Variants in GAK observed in about 807,000 individuals in gnomAD.
GAK encodes the protein cyclin G associated kinase.
A neutral mutation model predicts 143.9 loss-of-function variants in GAK; 79 were observed. That is an observed-to-expected ratio of 0.55 (90% CI 0.46 to 0.66). The LOEUF is 0.66. Among genes scored for constraint, GAK ranks in the 30% least tolerant of loss-of-function variants. The pLI, the probability that GAK is intolerant of heterozygous loss-of-function variation, is 0.00. For missense variants in GAK, 1,693 were observed against 1,779.7 expected, an observed-to-expected ratio of 0.95 and a Z score of 0.88; for synonymous variants, 881 against 765.5, an observed-to-expected ratio of 1.15 and a Z score of -2.49.
At chr4:911,851 T>C in intron 3 of GAK, 64 bp from the exon 4 acceptor site, 1 of 1,236,158 alleles carries the variant, frequency 8.1e-7, no homozygotes, top group East Asian at 2.3e-5. Context: ...CACTTCAAAA[T>C]AAATGTAGAC....
intron 4 of GAK, among the ~76,000 whole-genome samples, chr4:909,377 G>C (rs1349123509): frequency 6.6e-6 from 1 of 152,252 alleles, no homozygotes; most frequent in Non-Finnish European, 1.5e-5. Flanking sequence ...AACAACAAGA[G>C]ATTGACTGAC....
intron 24 of GAK, among the ~76,000 whole-genome samples, chr4:857,820 C>A (rs1028528710): frequency 2.0e-5 from 3 of 152,032 alleles, no homozygotes; most frequent in Non-Finnish European, 4.4e-5. Flanking sequence ...TTTTTTCCCC[C>A]CAAATGTCTT....
At chr4:888,157 T>A (rs1314109037) in intron 11 of GAK, 1 of 152,266 alleles carries the variant, frequency 6.6e-6, no homozygotes, top group Non-Finnish European at 1.5e-5. Flanking sequence ...AGTTCCTGCA[T>A]CACGGGCACC....
At chr4:916,688 C>T (rs1180803974) in intron 1 of GAK, among the ~76,000 whole-genome samples, 1 of 152,142 alleles carries the variant, frequency 6.6e-6, no homozygotes, top group African/African-American at 2.4e-5. Flanking sequence ...TAAAAACCGC[C>T]CAGACCAAGT....
intron 1 of GAK, 54 bp downstream of exon 1, chr4:931,989 G>A (rs1725938677): frequency 2.3e-6 from 3 of 1,290,266 alleles, no homozygotes; most frequent in African/African-American, 3.0e-5. Context: ...TGCCCCCAGC[G>A]TCCCGGAGAC....
intron 23 of GAK, among the ~76,000 whole-genome samples, chr4:860,191 C>T (rs572230343): frequency 6.6e-6 from 1 of 150,386 alleles, no homozygotes; most frequent in East Asian, 2.0e-4. Context: ...CCCAGGGGGG[C>T]TGCGGTGGGA....
chr4:914,371 C>A (rs1228273106), intron 1 of GAK, among the ~76,000 whole-genome samples: 1 of 102,074 alleles, frequency 9.8e-6, no homozygotes, highest in African/African-American at 3.9e-5. Flanking sequence ...GCACGGCCCC[C>A]ACACACACAG....
chr4:876,700 G>A (rs1713965231), intron 17 of GAK, 91 bp from the exon 18 acceptor site: 1 of 1,130,682 alleles, frequency 8.8e-7, no homozygotes, highest in Non-Finnish European at 1.3e-6. Flanking sequence ...CGAGATCTGA[G>A]AGCGGCTCAT....
chr4:884,246 T>C lies in GAK; in HGVS notation c.1206-160A>G, dbSNP rs1034014794. 33 of 615,120 alleles carry C rather than the reference T, an allele frequency of 5.4e-5. No individual in the cohort carries two copies. In the South Asian group the frequency reaches 6.4e-4, roughly 12 times the overall value. The allele number at this position is 615,120 out of a possible 1,614,324, so 38.1% of individuals were successfully genotyped here. On this transcript the variant is annotated intron_variant, in intron 11 of 27. Coordinates refer to ENST00000314167, the MANE Select transcript of GAK (RefSeq NM_005255.4). Reference sequence around the variant, plus strand: ...GTGTGTGCACAGGCGTGTGGGCAGCTTCCCGGCTGTGTGCGTGCTGTGGAG... The same window carrying C: ...GTGTGTGCACAGGCGTGTGGGCAGCCTCCCGGCTGTGTGCGTGCTGTGGAG...
At chr4:881,240 T>TA (rs1399727948) in intron 15 of GAK, among the ~76,000 whole-genome samples, 2 of 152,184 alleles carry the variant, frequency 1.3e-5, no homozygotes, top group Admixed American at 6.5e-5. Flanking sequence ...TCCTGGGCCC[T>TA]AACCCTTGGG....
chr4:910,582 C>T (rs955237957), intron 4 of GAK, among the ~76,000 whole-genome samples: 2 of 152,158 alleles, frequency 1.3e-5, no homozygotes, highest in African/African-American at 4.8e-5. Flanking sequence ...CAGGCCTGCG[C>T]TAGCCGGCCT....
intron 1 of GAK, among the ~76,000 whole-genome samples, chr4:926,874 A>G (rs1577338531): frequency 2.9e-5 from 1 of 34,776 alleles, no homozygotes; most frequent in Non-Finnish European, 5.6e-5. Context: ...ACTGCCCCGC[A>G]ACCCCCCCCA....
At chr4:922,898 C>T (rs1724129326) in intron 1 of GAK, among the ~76,000 whole-genome samples, 1 of 152,194 alleles carries the variant, frequency 6.6e-6, no homozygotes, top group Non-Finnish European at 1.5e-5. Flanking sequence ...AGGAAACAGC[C>T]CAGATGTCCT....
At position 904,729 on chromosome 4, in the gene GAK, A is replaced by G. The variant is rs1720752625; in HGVS notation, c.433T>C (p.Cys145Arg). The G allele has an allele frequency of 6.2e-7, 1 of 1,614,176 alleles. No individual in the cohort carries two copies. Among genetic ancestry groups the G allele is most frequent in the East Asian group, 2.2e-5 (1 of 44,880 alleles). ...KKMESRGPLS[C>R]DTVLKIFYQT... is the part of the protein sequence containing the mutation. ...TAGAAGATCTTCAGAACCGTGTCGC[A>G]CGAAAGGGGGCCTCGAGATTCCATT... Residue 145 changes from cysteine to arginine, a missense_variant, in exon 5 of 28, where the codon TGC becomes CGC. Cys to Arg is a radical substitution (Grantham distance 180). Coordinates refer to ENST00000314167, the MANE Select transcript of GAK (RefSeq NM_005255.4).
At position 900,561 on chromosome 4, in the gene GAK, G is replaced by C. The variant is rs58018790; in HGVS notation, c.526-2403C>G. Among the ~76,000 whole-genome samples the C allele has an allele frequency of 4.2e-3, 640 of 152,200 alleles. 5 individuals carry two copies. The highest frequency in any genetic ancestry group is 0.015 in the African/African-American group (606 of 41,536). ...CAAAAATGCGAACCAGGAGGGTCTC[G>C]GTGTCATGAGAAAATCCACCACTCA... On this transcript the variant is annotated intron_variant, in intron 5 of 27. Coordinates refer to ENST00000314167, the MANE Select transcript of GAK (RefSeq NM_005255.4).
chr4:893,305 G>T, intron 9 of GAK, 72 bp downstream of exon 9: 1 of 1,118,490 alleles, frequency 8.9e-7, no homozygotes, highest in Non-Finnish European at 1.2e-6. Flanking sequence ...TCCCCTCTGC[G>T]GGGGATCTGG....
At chr4:896,417 C>A in intron 7 of GAK, 43 bp downstream of exon 7, 1 of 1,536,884 alleles carries the variant, frequency 6.5e-7, no homozygotes, top group Non-Finnish European at 9.0e-7. Flanking sequence ...TTAAGTAGGG[C>A]GCACGGAGCC....
Position 882,813 on chromosome 4 carries a change from C to G in GAK, c.1411G>C (p.Glu471Gln), listed in dbSNP as rs763213126. ...GCCCGCCGTGCTGCCCAGCCACACTCGGAGACCTGTGGGGACAGGGCACGG... is the reference window on the plus strand; with the variant it reads ...GCCCGCCGTGCTGCCCAGCCACACTGGGAGACCTGTGGGGACAGGGCACGG... ...RPSRFHNRVS[E>Q]CGWAARRAPH... is the part of the protein sequence containing the mutation. Residue 471 changes from glutamate (E) to glutamine (Q), a missense_variant, in exon 14 of 28, where the codon GAG becomes CAG. Physicochemically the swap from Glu to Gln is conservative, Grantham distance 29. This residue lies in a region of GAK where 871 missense variants were observed against 991.0 expected (regional missense o/e 0.88). Transcript: ENST00000314167. The G allele has an allele frequency of 6.2e-7, 1 of 1,609,742 alleles. No homozygotes were observed. Among genetic ancestry groups the G allele is most frequent in the Non-Finnish European group, 8.5e-7 (1 of 1,179,822 alleles).
chr4:869,614 G>T (rs1712003462), intron 19 of GAK: 2 of 74,858 alleles, frequency 2.7e-5, no homozygotes, highest in East Asian at 1.2e-3. Context: ...ATACACACAT[G>T]CAGGGTACAC....
Sources: allele counts gnomAD v4.1 joint callset (sites outside exome capture counted in the v4.1 genomes callset), GRCh38; gene constraint gnomAD v4.1.1; regional missense constraint gnomAD v4.1.1; transcripts MANE v1.5; gene names NCBI Gene and HGNC (gene_info 2026-07-23, HGNC 2026-07-21).